The following NCS1 variants were observed in gnomAD, a reference collection of about 807,000 sequenced individuals.
NCS1 encodes neuronal calcium sensor 1, also known as frequenin homolog.
Under a neutral mutation model 28.4 loss-of-function variants are expected in NCS1, and 6 were observed. That is an observed-to-expected ratio of 0.21 (90% CI 0.12 to 0.42). NCS1 has a LOEUF of 0.42. Ranked by LOEUF, NCS1 falls within the 10% of genes least tolerant of loss-of-function variation. The probability of loss-of-function intolerance (pLI) is 1.00; values close to 1 mark genes in which losing one functional copy is unlikely to be tolerated. For synonymous variants in NCS1, 86 were observed against 99.3 expected, an observed-to-expected ratio of 0.87 and a Z score of 0.79; for missense variants, 131 against 241.4, an observed-to-expected ratio of 0.54 and a Z score of 3.03.
In NCS1 at chr9:130,215,167, G is replaced by A. The variant is rs1404600230; in HGVS notation, c.90-2665G>A. ...GAGATGTCTGGTGACAGTTGGGTGT[G>A]CCCCCACATGGGTCATTAAGTCCTG... is the stretch of plus-strand genomic sequence containing the variant. On this transcript the variant is annotated intron_variant, in intron 2 of 7. Coordinates refer to ENST00000372398, the MANE Select transcript of NCS1 (RefSeq NM_014286.4). This position sits in a 1 kb window ranked among gnomAD's most constrained non-coding sequence, Gnocchi z 4.2. 6.6e-6 allele frequency among the ~76,000 whole-genome samples: 1 copy of A among 152,212 alleles called. No individual in the cohort carries two copies. The highest frequency in any genetic ancestry group is 1.5e-5 in the Non-Finnish European group (1 of 68,038).
intron 2 of NCS1, among the ~76,000 whole-genome samples, chr9:130,202,579 G>GTTT (rs11329541): frequency 8.2e-6 from 1 of 122,672 alleles, no homozygotes; most frequent in Non-Finnish European, 1.7e-5. Flanking sequence ...TCAAATCCAT[G>GTTT]TTTTTTTTTT....
intron 1 of NCS1, among the ~76,000 whole-genome samples, chr9:130,173,794 G>A (rs571986630): frequency 6.6e-6 from 1 of 152,218 alleles, no homozygotes; most frequent in African/African-American, 2.4e-5. Flanking sequence ...AGGCTGGGGA[G>A]GCAGCTCCTG....
intron 2 of NCS1, among the ~76,000 whole-genome samples, chr9:130,217,052 A>G (rs1319404243): frequency 1.3e-5 from 2 of 152,218 alleles, no homozygotes; most frequent in Non-Finnish European, 2.9e-5. Flanking sequence ...TACATGCACC[A>G]TGTCCCCTGA....
intron 2 of NCS1, among the ~76,000 whole-genome samples, chr9:130,205,298 C>A (rs868937243): frequency 1.1e-4 from 17 of 151,948 alleles, no homozygotes; most frequent in Admixed American, 7.2e-4. Context: ...CTTGAGGGGG[C>A]GGTGTGGAGG....
intron 7 of NCS1, among the ~76,000 whole-genome samples, chr9:130,231,628 C>T (rs183337599): frequency 2.1e-3 from 313 of 152,168 alleles, no homozygotes; most frequent in African/African-American, 6.8e-3. Flanking sequence ...AGGTGATCCG[C>T]GTACCTTGGC....
Position 130,192,547 on chromosome 9 carries a change from A to G in NCS1, c.65-8411A>G, listed in dbSNP as rs1200365786. 1.3e-5 allele frequency among the ~76,000 whole-genome samples: 2 copies of G among 151,958 alleles called. No individual in the cohort carries two copies. The highest frequency in any genetic ancestry group is 4.8e-5 in the African/African-American group (2 of 41,368). ...AGCTGGGGGGCCTGGAGGTCTCAGG[A>G]GTTGACCTCTTTCGTGGGACAGAGA... On this transcript the variant is annotated intron_variant, in intron 1 of 7. Transcript: ENST00000372398. This position sits in a 1 kb window ranked among gnomAD's most constrained non-coding sequence, Gnocchi z 4.8.
chr9:130,202,225 C>T (rs1832958098), intron 2 of NCS1, among the ~76,000 whole-genome samples: 1 of 152,158 alleles, frequency 6.6e-6, no homozygotes, highest in African/African-American at 2.4e-5. Flanking sequence ...TGGCCTTTGC[C>T]CTTTACCCTC....
chr9:130,205,488 G>T (rs1833011192), intron 2 of NCS1, among the ~76,000 whole-genome samples: 1 of 146,718 alleles, frequency 6.8e-6, no homozygotes. Context: ...AGGCTGCAAT[G>T]AGCTATGATT....
intron 4 of NCS1, among the ~76,000 whole-genome samples, chr9:130,221,399 TATATATATATATATAG>T (rs1314684249): frequency 0.016 from 782 of 49,896 alleles, no homozygotes; most frequent in African/African-American, 0.033. Flanking sequence ...TATATATATA[TATATATATATATATAG>T]AGAGAGAGAG....
chr9:130,185,825 C>T (rs1032399599), intron 1 of NCS1, among the ~76,000 whole-genome samples: 1 of 152,290 alleles, frequency 6.6e-6, no homozygotes, highest in Non-Finnish European at 1.5e-5. Context: ...CGCCCAGCAG[C>T]CCACACAGCC....
At chr9:130,223,380 T>C (rs1833367029) in intron 6 of NCS1, among the ~76,000 whole-genome samples, 1 of 151,946 alleles carries the variant, frequency 6.6e-6, no homozygotes, top group Admixed American at 6.5e-5. Flanking sequence ...CCAGAGTCCT[T>C]AGCCTTTTTT....
Position 130,219,104 on chromosome 9 carries a change from A to G in NCS1, c.229-621A>G, listed in dbSNP as rs1288204244. On this transcript the variant is annotated intron_variant, in intron 3 of 7. Transcript: ENST00000372398. The surrounding 1 kb of genome is among the most constrained non-coding windows in gnomAD (Gnocchi z 5.7). Reference sequence around the variant, plus strand: ...TGGCTGCACGGATAGCTGTTGGGTTATCTGCGATGACCCTGATTCTGTCCT... The same window carrying G: ...TGGCTGCACGGATAGCTGTTGGGTTGTCTGCGATGACCCTGATTCTGTCCT... 4.6e-5 allele frequency among the ~76,000 whole-genome samples: 7 copies of G among 152,238 alleles called. No homozygotes were observed. The highest frequency in any genetic ancestry group is 1.7e-4 in the African/African-American group (7 of 41,544).
At chr9:130,200,473 T>G (rs1329318183) in intron 1 of NCS1, 8 of 1,095,312 alleles carry the variant, frequency 7.3e-6, no homozygotes, top group South Asian at 2.8e-5. Flanking sequence ...ACAGGGAGGG[T>G]GGTCCACCCT....
chr9:130,173,519 C>T (rs782417909), intron 1 of NCS1, among the ~76,000 whole-genome samples: 5 of 152,190 alleles, frequency 3.3e-5, no homozygotes, highest in Non-Finnish European at 5.9e-5. Flanking sequence ...ACCAGGCTTC[C>T]CCCTTCCCTG....
rs566970486 is a variant in NCS1 at position 130,190,825 on chromosome 9, C to T, written c.65-10133C>T. ...TGAGTGCTTTGCCTCTCTGTGAAAC[C>T]GCAGTTTCTTGGAAGTGGGCTGGCA... is the stretch of plus-strand genomic sequence containing the variant. On this transcript the variant is annotated intron_variant, in intron 1 of 7. Coordinates refer to ENST00000372398, the MANE Select transcript of NCS1 (RefSeq NM_014286.4). 6.6e-5 allele frequency among the ~76,000 whole-genome samples: 10 copies of T among 152,282 alleles called. No homozygotes were observed. The East Asian group carries it at 1.2e-3, about 18-fold the overall frequency.
Position 130,172,632 on chromosome 9 carries a change from G to A in NCS1, c.-32G>A. Reference sequence around the variant, plus strand: ...CTGCTGGGCGCCCCAACCGGGTCCGGCCCGGGGGGGCGGGGGCCGCGGCCG... The same window carrying A: ...CTGCTGGGCGCCCCAACCGGGTCCGACCCGGGGGGGCGGGGGCCGCGGCCG... On this transcript the variant is annotated 5_prime_UTR_variant, in exon 1 of 8. Transcript: ENST00000372398. The A allele has an allele frequency of 7.1e-7, 1 of 1,399,852 alleles. No homozygotes were observed. Among genetic ancestry groups the A allele is most frequent in the East Asian group, 3.6e-5 (1 of 28,050 alleles). The allele number at this position is 1,399,852 out of a possible 1,614,324, so 86.7% of individuals were successfully genotyped here.
At position 130,219,069 on chromosome 9, in the gene NCS1, C is replaced by T. The variant is rs748720097; in HGVS notation, c.229-656C>T. Among the ~76,000 whole-genome samples the T allele has an allele frequency of 6.6e-6, 1 of 152,154 alleles. No individual in the cohort carries two copies. Among genetic ancestry groups the T allele is most frequent in the Admixed American group, 6.5e-5 (1 of 15,270 alleles). ...CTTACCATGTGGTAGCTTGTGTCAC[C>T]TCCGGGCAGTGGCTGCACGGATAGC... On this transcript the variant is annotated intron_variant, in intron 3 of 7. Transcript: ENST00000372398. This position sits in a 1 kb window ranked among gnomAD's most constrained non-coding sequence, Gnocchi z 5.7.
intron 2 of NCS1, among the ~76,000 whole-genome samples, chr9:130,202,248 A>C (rs1206715065): frequency 2.0e-5 from 3 of 152,186 alleles, no homozygotes; most frequent in African/African-American, 7.2e-5. Context: ...GCCAGCCTGA[A>C]CTGCTGTTTG....
At chr9:130,220,341 TAG>T (rs1833259324) in intron 4 of NCS1, among the ~76,000 whole-genome samples, 1 of 151,866 alleles carries the variant, frequency 6.6e-6, no homozygotes, top group African/African-American at 2.4e-5. Flanking sequence ...GGGGATAAGA[TAG>T]ATGGGTCCCT....
Sources: gnomAD v4.1 joint callset for allele counts (sites outside exome capture counted in the v4.1 genomes callset) on GRCh38, gnomAD v4.1.1 for gene constraint, Gnocchi (gnomAD v3.1) non-coding constraint, MANE v1.5 for transcripts, NCBI Gene and HGNC (gene_info 2026-07-23, HGNC 2026-07-21) for gene names.